Variants in PYGB observed in about 807,000 individuals in gnomAD.
The protein encoded by PYGB is glycogen phosphorylase, brain form.
A neutral mutation model predicts 94.3 loss-of-function variants in PYGB; 82 were observed. The ratio of observed to expected loss-of-function variants is 0.87; its 90% CI spans 0.73 to 1.04. The LOEUF is 1.04. Among genes scored for constraint, PYGB ranks in the 50% least tolerant of loss-of-function variants. The pLI is 0.00. For synonymous variants in PYGB, 488 were observed against 479.1 expected (o/e 1.02, Z -0.24); for missense variants, 1,132 against 1,158.2 (o/e 0.98, Z 0.33).
intron 14 of PYGB, 23 bp downstream of exon 14, chr20:25,284,274 T>G: frequency 6.2e-7 from 1 of 1,606,114 alleles, no homozygotes; most frequent in Non-Finnish European, 8.5e-7. Flanking sequence ...ATCACCTGCA[T>G]GACCGCGCTG....
intron 4 of PYGB, among the ~76,000 whole-genome samples, chr20:25,273,766 CA>C (rs148334611): frequency 0.067 from 10,190 of 152,270 alleles, 1,051 homozygotes; most frequent in African/African-American, 0.23. Flanking sequence ...TGGGTGCATC[CA>C]GGGCGTCCTC....
At chr20:25,266,096 C>A (rs2088216029) in intron 2 of PYGB, among the ~76,000 whole-genome samples, 1 of 152,152 alleles carries the variant, frequency 6.6e-6, no homozygotes, top group South Asian at 2.1e-4. Context: ...AGTTATCTGC[C>A]TGCCTTGGCC....
At position 25,295,656 on chromosome 20, in the gene PYGB, G is replaced by T. The variant is rs759908221; in HGVS notation, c.2365G>T (p.Asp789Tyr). The part of the protein sequence containing the change: ...EAYMQCQAQV[D>Y]QLYRNPKEWT... Reference sequence around the variant, plus strand: ...CTACATGCAGTGCCAGGCACAGGTGGACCAGCTGTACCGGGTGAGGCTCCT... The same window carrying T: ...CTACATGCAGTGCCAGGCACAGGTGTACCAGCTGTACCGGGTGAGGCTCCT... Residue 789 changes from aspartate (D) to tyrosine (Y), a missense_variant, in exon 19 of 20, where the codon GAC (aspartate) becomes TAC (tyrosine). Physicochemically the swap from Asp to Tyr is radical, Grantham distance 160 (BLOSUM62 -3). Transcript: ENST00000216962. The T allele has an allele frequency of 6.2e-7, 1 of 1,613,962 alleles. No individual in the cohort carries two copies. The highest frequency in any genetic ancestry group is 8.5e-7 in the Non-Finnish European group (1 of 1,179,880).
intron 16 of PYGB, 109 bp from the exon 17 acceptor site, chr20:25,292,297 C>T: frequency 7.5e-7 from 1 of 1,328,770 alleles, no homozygotes; most frequent in Non-Finnish European, 1.0e-6. Context: ...GCATTGGTCC[C>T]TCCACGACCC....
rs1182248381 is a variant in PYGB, at chr20:25,292,504, A to G, written c.2068A>G (p.Ile690Val). The G allele has an allele frequency of 6.2e-6, 10 of 1,613,600 alleles. No individual in the cohort carries two copies. The highest frequency in any genetic ancestry group is 1.6e-4 in the Middle Eastern group (1 of 6,062). Residue 690 changes from isoleucine to valine, a missense_variant, in exon 17 of 20, where the codon ATC becomes GTC. Coordinates refer to ENST00000216962, the MANE Select transcript of PYGB (RefSeq NM_002862.4). Reference protein sequence around the residue: ...MKFMLNGALTIGTMDGANVEM... With the variant: ...MKFMLNGALTVGTMDGANVEM... The stretch of plus-strand genomic sequence containing the variant: ...GTTCATGCTCAACGGGGCCCTCACC[A>G]TCGGCACCATGGACGGCGCCAACGT...
At chr20:25,286,253 G>A (rs1242999407) in intron 14 of PYGB, among the ~76,000 whole-genome samples, 2 of 152,234 alleles carry the variant, frequency 1.3e-5, no homozygotes, top group South Asian at 4.1e-4. Context: ...CTGGGCTGCA[G>A]TGTGGCGTGA....
chr20:25,291,203 G>T (rs1373273991), intron 16 of PYGB, among the ~76,000 whole-genome samples: 2 of 152,236 alleles, frequency 1.3e-5, no homozygotes, highest in Non-Finnish European at 2.9e-5. Context: ...TGCCTCATCT[G>T]TGCTTCCTGA....
intron 5 of PYGB, 80 bp downstream of exon 5, chr20:25,274,803 T>C (rs2088296687): frequency 1.3e-6 from 2 of 1,534,512 alleles, no homozygotes; most frequent in Non-Finnish European, 1.7e-6. Flanking sequence ...ACAGCTCAGC[T>C]TCTTTTGGCT....
chr20:25,256,557 T>C (rs2092903192), intron 1 of PYGB, among the ~76,000 whole-genome samples: 1 of 151,742 alleles, frequency 6.6e-6, no homozygotes, highest in Non-Finnish European at 1.5e-5. Flanking sequence ...TTAACACTTG[T>C]TATGTCATAT....
chr20:25,296,393 G>C lies in PYGB; in HGVS notation c.2403G>C (p.Lys801Asn). 6.2e-7 allele frequency: 1 copy of C among 1,614,078 alleles called. No individual in the cohort carries two copies. Among genetic ancestry groups the C allele is most frequent in the Non-Finnish European group, 8.5e-7 (1 of 1,180,032 alleles). ...AGAACCCCAAGGAGTGGACCAAGAAGGTCATCAGGAACATCGCCTGCTCGG... is the reference window on the plus strand; with the variant it reads ...AGAACCCCAAGGAGTGGACCAAGAACGTCATCAGGAACATCGCCTGCTCGG... ...LYRNPKEWTK[K>N]VIRNIACSGK... Residue 801 changes from lysine to asparagine, a missense_variant, in exon 20 of 20, where the codon AAG becomes AAC. Physicochemically the swap from Lys to Asn is moderately conservative, Grantham distance 94. Coordinates refer to ENST00000216962, the MANE Select transcript of PYGB (RefSeq NM_002862.4).
intron 2 of PYGB, among the ~76,000 whole-genome samples, chr20:25,264,884 T>C (rs1227386953): frequency 2.0e-5 from 3 of 152,182 alleles, no homozygotes; most frequent in African/African-American, 7.2e-5. Flanking sequence ...GCCATCCCCA[T>C]CAAGCTACCA....
chr20:25,294,011 G>C, intron 17 of PYGB, 147 bp from the exon 18 acceptor site: 1 of 1,076,280 alleles, frequency 9.3e-7, no homozygotes, highest in East Asian at 2.6e-5. Flanking sequence ...ACCACCCATG[G>C]CCACTGGCTG....
At position 25,288,422 on chromosome 20, in the gene PYGB, C is replaced by T. The variant is rs1163389866; in HGVS notation, c.1769-3C>T. On this transcript the variant is annotated splice_region_variant and splice_polypyrimidine_tract_variant and intron_variant, in intron 14 of 19. Transcript: ENST00000216962. ...GTGTGAGTCTCTTCCGTGTGTCCTG[C>T]AGGAATCAAGAGAGACCCGGCCAAG... 1.9e-6 allele frequency: 3 copies of T among 1,614,044 alleles called. No individual in the cohort carries two copies. Among genetic ancestry groups the T allele is most frequent in the Admixed American group, 3.3e-5 (2 of 60,002 alleles).
chr20:25,290,516 C>G lies in PYGB; in HGVS notation c.1863C>G (p.Ile621Met). 1 of 1,611,456 alleles carries G rather than the reference C, an allele frequency of 6.2e-7. No homozygotes were observed. Among genetic ancestry groups the G allele is most frequent in the South Asian group, 1.1e-5 (1 of 91,030 alleles). ...APGYHMAKLIIKLVTSIGDVV... is the reference protein window; with the variant it reads ...APGYHMAKLIMKLVTSIGDVV... Reference sequence around the variant, plus strand: ...GTTACCACATGGCCAAGCTGATCATCAAGTTGGTCACCTCCATCGGCGACG... The same window carrying G: ...GTTACCACATGGCCAAGCTGATCATGAAGTTGGTCACCTCCATCGGCGACG... Residue 621 changes from isoleucine (I) to methionine (M), a missense_variant, in exon 16 of 20, where the codon ATC (isoleucine) becomes ATG (methionine). By Grantham distance (10) the Ile-to-Met change is conservative (BLOSUM62 1). Coordinates refer to ENST00000216962, the MANE Select transcript of PYGB (RefSeq NM_002862.4).
At position 25,294,178 on chromosome 20, in the gene PYGB, A is replaced by G. The variant is rs1394020869; in HGVS notation, c.2198A>G (p.Tyr733Cys). The change falls in exon 18 of 20, where the codon TAC becomes TGC. Residue 733 changes from tyrosine (Y) to cysteine (C), a missense_variant. Tyr to Cys is a radical substitution (Grantham distance 194). Transcript: ENST00000216962. Reference protein sequence around the residue: ...DRKGYNAREYYDHLPELKQAV... With the variant: ...DRKGYNAREYCDHLPELKQAV... ...CACAGGTACAATGCCAGGGAGTACTACGACCACCTGCCCGAGCTGAAGCAG... is the reference window on the plus strand; with the variant it reads ...CACAGGTACAATGCCAGGGAGTACTGCGACCACCTGCCCGAGCTGAAGCAG... 2 of 1,613,798 alleles carry G rather than the reference A, an allele frequency of 1.2e-6. No homozygotes were observed. Among genetic ancestry groups the G allele is most frequent in the Non-Finnish European group, 1.7e-6 (2 of 1,180,008 alleles).
intron 15 of PYGB, among the ~76,000 whole-genome samples, 178 bp from the exon 16 acceptor site, chr20:25,290,303 G>A (rs1267957312): frequency 6.6e-6 from 1 of 152,242 alleles, no homozygotes; most frequent in Non-Finnish European, 1.5e-5. Context: ...CATCGTGAGT[G>A]CGCAGCAGAG....
At chr20:25,274,531 G>A in intron 4 of PYGB, 61 bp from the exon 5 acceptor site, 2 of 1,587,042 alleles carry the variant, frequency 1.3e-6, no homozygotes, top group Admixed American at 3.4e-5. Context: ...CTGGGTCCAG[G>A]ACAGGGCGGT....
At chr20:25,275,438 G>A (rs371428379) in intron 5 of PYGB, among the ~76,000 whole-genome samples, 32 of 152,332 alleles carry the variant, frequency 2.1e-4, no homozygotes, top group Admixed American at 8.5e-4. Context: ...TGGGGGCATC[G>A]GTGAGACTCA....
At chr20:25,288,165 G>C in intron 14 of PYGB, 1 of 629,062 alleles carries the variant, frequency 1.6e-6, no homozygotes, top group South Asian at 1.6e-5. Flanking sequence ...CCATGGTCCT[G>C]GCTGGCCTTC....
Sources: allele counts gnomAD v4.1 joint callset (sites outside exome capture counted in the v4.1 genomes callset), GRCh38; gene constraint gnomAD v4.1.1; transcripts MANE v1.5; gene names NCBI Gene and HGNC (gene_info 2026-07-23, HGNC 2026-07-21).